The following FAM228B variants were observed in gnomAD, a reference collection of about 807,000 sequenced individuals.
FAM228B encodes protein FAM228B.
Under a neutral mutation model 42.6 loss-of-function variants are expected in FAM228B, and 38 were observed. The ratio of observed to expected loss-of-function variants is 0.89; its 90% confidence interval spans 0.69 to 1.17. The LOEUF (loss-of-function observed/expected upper bound fraction) is 1.17, where lower values mean the gene tolerates loss of function less well. FAM228B is among the 50% of genes most tolerant of loss of function. The pLI, the probability that FAM228B is intolerant of heterozygous loss-of-function variation, is 0.00. For synonymous variants in FAM228B, 109 were observed against 122.3 expected (o/e 0.89, Z 0.72); for missense variants, 344 against 367.3 (o/e 0.94, Z 0.52).
chr2:24,168,794 C>T (rs1368760332), intron 10 of FAM228B, among the ~76,000 whole-genome samples: 2 of 151,998 alleles, frequency 1.3e-5, no homozygotes, highest in Non-Finnish European at 2.9e-5. Context: ...GGTGAGGAGG[C>T]AGCACCCTGG....
Position 24,169,522 on chromosome 2 carries a change from CCTTT to C in FAM228B, c.*182_*185del. The C allele has an allele frequency of 3.4e-6, 1 of 295,944 alleles. No individual in the cohort carries two copies. The highest frequency in any genetic ancestry group is 7.8e-6 in the Non-Finnish European group (1 of 127,712). The allele number at this position is 295,944 out of a possible 1,614,324, so 18.3% of individuals were successfully genotyped here. A position where few individuals can be genotyped will look rare whatever the true frequency, so the allele number is the denominator to read the frequency against. On this transcript the variant is annotated 3_prime_UTR_variant, in exon 11 of 11. Coordinates refer to ENST00000615575, the MANE Select transcript of FAM228B (RefSeq NM_001145710.2). The surrounding 1 kb of genome is among the most constrained non-coding windows in gnomAD (Gnocchi z 4.2). The stretch of plus-strand genomic sequence containing the variant: ...AAAAAAAAGCATCTGCAACGAACTT[CCTTT>C]AATTTTTGAGTTCAGTGTCTGTGAT...
chr2:24,125,938 T>G (rs1222191310), intron 2 of FAM228B, among the ~76,000 whole-genome samples: 1 of 152,258 alleles, frequency 6.6e-6, no homozygotes, highest in Non-Finnish European at 1.5e-5. Flanking sequence ...ATATTTCTTT[T>G]CCTTCTGTTT....
At chr2:24,109,230 A>G (rs1665750616) in intron 3 of FAM228B, among the ~76,000 whole-genome samples, 1 of 152,112 alleles carries the variant, frequency 6.6e-6, no homozygotes, top group Non-Finnish European at 1.5e-5. Context: ...GTGCTAGAAT[A>G]AATGGCTAGC....
intron 7 of FAM228B, among the ~76,000 whole-genome samples, chr2:24,160,930 T>G (rs971028025): frequency 6.6e-6 from 1 of 152,228 alleles, no homozygotes; most frequent in Non-Finnish European, 1.5e-5. Context: ...ACTTTGGAGT[T>G]TAAGCTCTTA....
rs1026576944 is a variant in FAM228B, at chr2:24,080,144, G to T, written c.-289-732G>T. Among the ~76,000 whole-genome samples the T allele has an allele frequency of 3.3e-5, 5 of 152,122 alleles. No homozygotes were observed. The highest frequency in any genetic ancestry group is 7.4e-5 in the Non-Finnish European group (5 of 68,014). On this transcript the variant is annotated intron_variant, in intron 1 of 10. Transcript: ENST00000613899. The surrounding 1 kb of genome is among the most constrained non-coding windows in gnomAD (Gnocchi z 4.7). ...GGCTGAGGCAGGTGGATCACCTGAG[G>T]TCAGGAGTTCGAGACCAGCCTGGCC...
chr2:24,132,343 C>T (rs1404159695), intron 2 of FAM228B, among the ~76,000 whole-genome samples: 1 of 151,572 alleles, frequency 6.6e-6, no homozygotes, highest in African/African-American at 2.4e-5. Flanking sequence ...TGGCCTCATA[C>T]AATGAGTTAG....
intron 9 of FAM228B, chr2:24,165,356 G>A (rs1161653770): frequency 1.1e-5 from 5 of 471,108 alleles, no homozygotes; most frequent in African/African-American, 8.0e-5. Flanking sequence ...ACATATAAAA[G>A]GACAATGCCT....
chr2:24,152,092 C>T (rs1667037663), intron 7 of FAM228B, among the ~76,000 whole-genome samples: 1 of 152,182 alleles, frequency 6.6e-6, no homozygotes, highest in South Asian at 2.1e-4. Flanking sequence ...TGGTCTCAAT[C>T]TCCTGACCTC....
chr2:24,139,990 T>A (rs1288420233), intron 5 of FAM228B, among the ~76,000 whole-genome samples: 1 of 152,256 alleles, frequency 6.6e-6, no homozygotes, highest in Admixed American at 6.5e-5. Context: ...CATTGCATGA[T>A]ATTCTGTTAC....
chr2:24,128,698 C>CTT (rs1325572014), intron 2 of FAM228B, among the ~76,000 whole-genome samples: 2 of 148,318 alleles, frequency 1.3e-5, no homozygotes, highest in Non-Finnish European at 3.0e-5. Flanking sequence ...GCTATAAATA[C>CTT]TCTTTTTTTT....
Position 24,077,383 on chromosome 2 carries a change from C to T in FAM228B, c.-290+414C>T, listed in dbSNP as rs546597758. On this transcript the variant is annotated intron_variant, in intron 1 of 10. Transcript: ENST00000613899. This position sits in a 1 kb window ranked among gnomAD's most constrained non-coding sequence, Gnocchi z 5.5. ...AGTAATCCCCGCTGCGACGCCCGTC[C>T]GGACTCCCACCTCAACCCCGCCGCG... 5.6e-6 allele frequency: 3 copies of T among 536,204 alleles called. No individual in the cohort carries two copies. The highest frequency in any genetic ancestry group is 3.4e-5 in the South Asian group (1 of 29,380). 33.2% of individuals were successfully genotyped at this position (536,204 alleles called of 1,614,324 possible).
chr2:24,077,903 G>A lies in FAM228B; in HGVS notation c.-290+934G>A, dbSNP rs897629881. 3.6e-6 allele frequency: 3 copies of A among 830,538 alleles called. No individual in the cohort carries two copies. In the East Asian group the frequency reaches 7.8e-5, roughly 22 times the overall value. The allele number at this position is 830,538 out of a possible 1,614,324, so 51.4% of individuals were successfully genotyped here. A position where few individuals can be genotyped will look rare whatever the true frequency, so the allele number is the denominator to read the frequency against. On this transcript the variant is annotated intron_variant, in intron 1 of 10. Coordinates refer to the FAM228B transcript ENST00000613899. This position sits in a 1 kb window ranked among gnomAD's most constrained non-coding sequence, Gnocchi z 5.5. Reference sequence around the variant, plus strand: ...CACTTAACCCCTCACTTCCTAGCATGTGTGTGAAATACCCTTGAAGGAGTC... The same window carrying A: ...CACTTAACCCCTCACTTCCTAGCATATGTGTGAAATACCCTTGAAGGAGTC...
chr2:24,130,506 C>T (rs1666430570), intron 2 of FAM228B, among the ~76,000 whole-genome samples: 1 of 152,202 alleles, frequency 6.6e-6, no homozygotes, highest in Non-Finnish European at 1.5e-5. Context: ...ACTATTCTGA[C>T]TGGCATGAGA....
intron 2 of FAM228B, among the ~76,000 whole-genome samples, chr2:24,086,575 A>C (rs1019478906): frequency 2.8e-5 from 4 of 142,406 alleles, no homozygotes; most frequent in Non-Finnish European, 6.0e-5. Context: ...TATGTTGCCC[A>C]GGCTGGTCTC....
intron 7 of FAM228B, among the ~76,000 whole-genome samples, chr2:24,157,265 C>T (rs1667170896): frequency 6.6e-6 from 1 of 152,098 alleles, no homozygotes; most frequent in African/African-American, 2.4e-5. Flanking sequence ...TCTTGGAGAA[C>T]ATTTTATGTG....
At position 24,077,489 on chromosome 2, in the gene FAM228B, CG is replaced by C. The variant is rs1553323493; in HGVS notation, c.-290+523del. ...CTTTAAACGGCTCTGGAGGAAGCAC[CG>C]GGTTTCTTGGCCTGTCTATTGTGAA... On this transcript the variant is annotated intron_variant, in intron 1 of 10. Coordinates refer to the FAM228B transcript ENST00000613899. The surrounding 1 kb of genome is among the most constrained non-coding windows in gnomAD (Gnocchi z 5.5). 2.8e-6 allele frequency: 4 copies of C among 1,412,810 alleles called. No homozygotes were observed. The highest frequency in any genetic ancestry group is 2.8e-6 in the Non-Finnish European group (3 of 1,058,896). The allele number at this position is 1,412,810 out of a possible 1,614,324, so 87.5% of individuals were successfully genotyped here. A position where few individuals can be genotyped will look rare whatever the true frequency, so the allele number is the denominator to read the frequency against.
chr2:24,166,751 T>C (rs1466179507), intron 9 of FAM228B, among the ~76,000 whole-genome samples: 2 of 151,602 alleles, frequency 1.3e-5, no homozygotes, highest in Non-Finnish European at 2.9e-5. Context: ...CTGTTTTAGG[T>C]GGAGAAGTCA....
intron 3 of FAM228B, among the ~76,000 whole-genome samples, chr2:24,108,701 A>C (rs929804791): frequency 6.6e-6 from 1 of 152,046 alleles, no homozygotes; most frequent in Non-Finnish European, 1.5e-5. Context: ...TGAGATCGAG[A>C]CCATCCTAGC....
At chr2:24,161,682 C>A in intron 8 of FAM228B, 69 bp downstream of exon 8, 1 of 962,122 alleles carries the variant, frequency 1.0e-6, no homozygotes, top group Non-Finnish European at 1.6e-6. Context: ...CATCCCCTGC[C>A]ATCCTTTCAT....
Sources: allele counts gnomAD v4.1 joint callset (sites outside exome capture counted in the v4.1 genomes callset), GRCh38; gene constraint gnomAD v4.1.1; non-coding constraint Gnocchi (gnomAD v3.1); transcripts MANE v1.5; gene names NCBI Gene and HGNC (gene_info 2026-07-23, HGNC 2026-07-21).